PDXDC1: variants seen among roughly 807,000 people sequenced by gnomAD.
PDXDC1 encodes the protein pyridoxal-dependent decarboxylase domain-containing protein 1.
A neutral mutation model predicts 100.1 loss-of-function variants in PDXDC1; 42 were observed. The observed-to-expected ratio is 0.42, with a 90% confidence interval of 0.33 to 0.54. The LOEUF (loss-of-function observed/expected upper bound fraction) is 0.54, where lower values mean the gene tolerates loss of function less well. Ranked by LOEUF, PDXDC1 falls within the 20% of genes least tolerant of loss-of-function variation. The pLI, the probability that PDXDC1 is intolerant of heterozygous loss-of-function variation, is 0.10. For synonymous variants in PDXDC1, 260 were observed against 371.7 expected, an observed-to-expected ratio of 0.70 and a Z score of 3.46; for missense variants, 636 against 979.2, an observed-to-expected ratio of 0.65 and a Z score of 4.68.
chr16:15,011,321 A>G (rs1201279742), intron 8 of PDXDC1, among the ~76,000 whole-genome samples: 11 of 152,292 alleles, frequency 7.2e-5, no homozygotes. Context: ...ATCTTTTTCC[A>G]TCAGTGGTCT....
chr16:15,078,675 C>T (rs900488914), intron 16 of PDXDC1, among the ~76,000 whole-genome samples: 1 of 152,086 alleles, frequency 6.6e-6, no homozygotes, highest in Admixed American at 6.5e-5. Context: ...TAAACTGCAT[C>T]TTTCCAAAGG....
intron 1 of PDXDC1, chr16:14,976,657 G>C (rs769389150): frequency 1.3e-5 from 2 of 152,494 alleles, no homozygotes; most frequent in Non-Finnish European, 2.9e-5. Context: ...GGAGACATTT[G>C]GCTATCTCTG....
At chr16:15,096,350 C>T (rs1247679566) in intron 16 of PDXDC1, among the ~76,000 whole-genome samples, 4 of 152,146 alleles carry the variant, frequency 2.6e-5, no homozygotes, top group Non-Finnish European at 5.9e-5. Flanking sequence ...CTCAAGTGAT[C>T]CGCCCGCCTT....
intron 16 of PDXDC1, among the ~76,000 whole-genome samples, chr16:15,052,996 G>A (rs1336938400): frequency 6.6e-6 from 1 of 152,164 alleles, no homozygotes; most frequent in Non-Finnish European, 1.5e-5. Flanking sequence ...CTGGCCAAAG[G>A]AACTTCATGC....
At chr16:15,097,655 AAG>A (rs893190229) in intron 16 of PDXDC1, among the ~76,000 whole-genome samples, 3 of 151,578 alleles carry the variant, frequency 2.0e-5, no homozygotes, top group African/African-American at 7.2e-5. Flanking sequence ...AAAAAAAAAA[AAG>A]AACATAATGA....
intron 16 of PDXDC1, among the ~76,000 whole-genome samples, chr16:15,095,848 CA>C (rs770655135): frequency 1.5e-4 from 19 of 124,554 alleles, no homozygotes; most frequent in East Asian, 7.5e-4. Context: ...AACTGTGTCT[CA>C]AAAAAAAAAA....
intron 16 of PDXDC1, chr16:15,055,981 G>A (rs917717457): frequency 1.2e-5 from 15 of 1,215,700 alleles, no homozygotes; most frequent in Middle Eastern, 3.2e-4. Flanking sequence ...TCGCGGAGGC[G>A]GCCGCCCAGG....
chr16:15,133,763 C>T (rs1167268477), intron 16 of PDXDC1: 6 of 1,588,450 alleles, frequency 3.8e-6, no homozygotes, highest in African/African-American at 2.7e-5. Context: ...TCGGGGGATC[C>T]CGCTGCTCCC....
chr16:15,100,749 C>G (rs2046514625), intron 16 of PDXDC1, among the ~76,000 whole-genome samples: 1 of 152,146 alleles, frequency 6.6e-6, no homozygotes, highest in Non-Finnish European at 1.5e-5. Context: ...GAGGGTGAGG[C>G]AGGAGAATTG....
downstream of PDXDC1, among the ~76,000 whole-genome samples, chr16:15,043,331 C>T (rs543432566): frequency 5.3e-5 from 8 of 152,296 alleles, no homozygotes; most frequent in East Asian, 1.9e-4. Context: ...CCACCGTGCC[C>T]GGCCGGATAT....
downstream of PDXDC1, among the ~76,000 whole-genome samples, chr16:15,038,917 G>A (rs143335275): frequency 5.9e-5 from 9 of 152,284 alleles, no homozygotes; most frequent in East Asian, 3.9e-4. Context: ...CCCACAGGAC[G>A]AGGGTGTTTT....
chr16:14,988,785 C>A, intron 1 of PDXDC1: 1 of 1,613,876 alleles, frequency 6.2e-7, no homozygotes, highest in African/African-American at 1.3e-5. Flanking sequence ...GAACTGCAGC[C>A]CCCCGAAGCT....
At position 15,136,112 on chromosome 16, in the gene PDXDC1, C is replaced by T. The variant is rs543163793; in HGVS notation, c.1400-2767C>T. On this transcript the variant is annotated intron_variant, in intron 16 of 16. Transcript: ENST00000535621. ...TCCACCCGCTGCACAGTCGAGAAGC[C>T]GATCCACACGTCTAGGCTCCTGGGG... 840 of 1,566,980 alleles carry T rather than the reference C, an allele frequency of 5.4e-4. 1 individual carries two copies. The highest frequency in any genetic ancestry group is 9.9e-4 in the Admixed American group (58 of 58,870).
chr16:15,130,766 C>T (rs775622662), intron 16 of PDXDC1: 9 of 1,233,730 alleles, frequency 7.3e-6, no homozygotes, highest in Non-Finnish European at 1.2e-6. Flanking sequence ...CCAGGTAGGG[C>T]TCGGGTTCCT....
At chr16:15,018,090 AT>A (rs377561197) in intron 11 of PDXDC1, among the ~76,000 whole-genome samples, 26,740 of 140,244 alleles carry the variant, frequency 0.19, 8 homozygotes, top group Non-Finnish European at 0.26. Flanking sequence ...ACCTGGCCAC[AT>A]TTTTTTTTTT....
chr16:14,976,711 G>T (rs1445336489), intron 1 of PDXDC1: 11 of 152,426 alleles, frequency 7.2e-5, no homozygotes, highest in African/African-American at 2.4e-4. Context: ...AGGTGCTGCC[G>T]GTACCTAGTG....
chr16:15,065,115 G>A lies in PDXDC1; in HGVS notation c.1399+35059G>A, dbSNP rs568309260. The A allele has an allele frequency of 2.3e-5, 28 of 1,197,184 alleles. No homozygotes were observed. In the East Asian group the frequency reaches 5.4e-4, roughly 23 times the overall value. The allele number at this position is 1,197,184 out of a possible 1,614,324, so 74.2% of individuals were successfully genotyped here. ...CGGGAGGCGGAGCTTGCGGTAAGCC[G>A]AGATCACACCACCGCACTCCAGCCT... On this transcript the variant is annotated intron_variant, in intron 16 of 16. Coordinates refer to the PDXDC1 transcript ENST00000535621.
chr16:15,141,917 G>A (rs963083935), downstream of PDXDC1, among the ~76,000 whole-genome samples: 3 of 152,160 alleles, frequency 2.0e-5, no homozygotes, highest in Admixed American at 1.3e-4. Context: ...CAGCGGCTGC[G>A]GCGGCAGCAG....
chr16:15,054,186 A>C (rs1597824838), intron 16 of PDXDC1, among the ~76,000 whole-genome samples: 1 of 152,272 alleles, frequency 6.6e-6, no homozygotes, highest in East Asian at 1.9e-4. Context: ...TCTCCTTTTC[A>C]AATCTCTCTC....
Sources: gnomAD v4.1 joint callset for allele counts (sites outside exome capture counted in the v4.1 genomes callset) on GRCh38, gnomAD v4.1.1 for gene constraint, MANE v1.5 for transcripts, NCBI Gene and HGNC (gene_info 2026-07-23, HGNC 2026-07-21) for gene names.